The following TBC1D8 variants were observed in gnomAD, a reference collection of about 807,000 sequenced individuals.
TBC1D8 encodes TBC1 domain family member 8.
TBC1D8 carries 65 observed loss-of-function variants against 118.8 expected under a neutral mutation model. That is an observed-to-expected ratio of 0.55 (90% CI 0.45 to 0.67). TBC1D8 has a LOEUF of 0.67. Among genes scored for constraint, TBC1D8 ranks in the 30% least tolerant of loss-of-function variants. The probability of loss-of-function intolerance (pLI) is 0.00; values close to 1 mark genes in which losing one functional copy is unlikely to be tolerated. For missense variants in TBC1D8, 1,376 were observed against 1,471.2 expected, an observed-to-expected ratio of 0.94 and a Z score of 1.06; for synonymous variants, 566 against 595.8, an observed-to-expected ratio of 0.95 and a Z score of 0.73.
chr2:101,095,305 G>T lies in TBC1D8; in HGVS notation c.128-4941C>A, dbSNP rs1313550361. Among the ~76,000 whole-genome samples the T allele has an allele frequency of 7.7e-5, 11 of 143,220 alleles. No individual in the cohort carries two copies. In the East Asian group the frequency reaches 1.7e-3, roughly 22 times the overall value. The allele number at this position is 143,220 out of a possible 152,430, so 94.0% of individuals were successfully genotyped here. A position where few individuals can be genotyped will look rare whatever the true frequency, so the allele number is the denominator to read the frequency against. On this transcript the variant is annotated intron_variant, in intron 1 of 19. Transcript: ENST00000409318. ...TAGGGTACATGTGCACAATGTGCAG[G>T]TTTGTTACATATGTATACATGTGCC...
chr2:101,140,118 G>A (rs908323282), intron 1 of TBC1D8, among the ~76,000 whole-genome samples: 1 of 152,072 alleles, frequency 6.6e-6, no homozygotes, highest in African/African-American at 2.4e-5. Context: ...TTATGCAATC[G>A]TTGCTACTGT....
intron 2 of TBC1D8, among the ~76,000 whole-genome samples, chr2:101,089,844 C>G (rs932746820): frequency 6.6e-6 from 1 of 150,988 alleles, no homozygotes; most frequent in Non-Finnish European, 1.5e-5. Flanking sequence ...ATACGAGCAC[C>G]ATGAAACACA....
At chr2:101,137,210 T>C (rs570742113) in intron 1 of TBC1D8, among the ~76,000 whole-genome samples, 1 of 151,778 alleles carries the variant, frequency 6.6e-6, no homozygotes, top group Non-Finnish European at 1.5e-5. Flanking sequence ...TTTTTGTATT[T>C]TTAGTAGAGA....
intron 1 of TBC1D8, among the ~76,000 whole-genome samples, chr2:101,131,393 T>C (rs981606751): frequency 6.6e-6 from 1 of 152,082 alleles, no homozygotes; most frequent in Non-Finnish European, 1.5e-5. Flanking sequence ...CGTGCGCCTG[T>C]AATCCCAGCT....
chr2:101,028,399 T>G lies in TBC1D8; in HGVS notation c.2256A>C (p.Pro752=). The G allele has an allele frequency of 6.2e-7, 1 of 1,602,678 alleles. No homozygotes were observed. Among genetic ancestry groups the G allele is most frequent in the South Asian group, 1.1e-5 (1 of 89,126 alleles). Reference sequence around the variant, plus strand: ...CATGGTGGCTGCCAACTGGGGGCCCTGGGCTGTCCTCATTCTTAATGTGAT... The same window carrying G: ...CATGGTGGCTGCCAACTGGGGGCCCGGGGCTGTCCTCATTCTTAATGTGAT... ...FLDHIKNEDS[P]GPPVGSHHAF... The change falls in exon 13 of 20, where the codon CCA becomes CCC. Residue 752 remains proline, a synonymous_variant. Coordinates refer to ENST00000409318, the MANE Select transcript of TBC1D8 (RefSeq NM_001330348.2).
intron 17 of TBC1D8, among the ~76,000 whole-genome samples, chr2:101,016,793 A>T (rs1219410100): frequency 1.3e-5 from 2 of 152,154 alleles, no homozygotes; most frequent in East Asian, 3.8e-4. Context: ...ATGAAATTGG[A>T]AATCATCATT....
intron 3 of TBC1D8, among the ~76,000 whole-genome samples, chr2:101,054,977 C>T (rs969114129): frequency 6.6e-6 from 1 of 151,818 alleles, no homozygotes; most frequent in Non-Finnish European, 1.5e-5. Flanking sequence ...CCACCACGCC[C>T]GGCCACAAAT....
chr2:101,137,391 C>A (rs1311492401), intron 1 of TBC1D8, among the ~76,000 whole-genome samples: 1 of 152,068 alleles, frequency 6.6e-6, no homozygotes, highest in East Asian at 1.9e-4. Context: ...CGGCTCACTG[C>A]AAGCTCCGCC....
chr2:101,046,162 A>AT (rs1553405912), intron 5 of TBC1D8, among the ~76,000 whole-genome samples: 38 of 151,356 alleles, frequency 2.5e-4, no homozygotes, highest in African/African-American at 9.0e-4. Context: ...TTCTTCTGTG[A>AT]CCCCCCCAGG....
chr2:101,067,067 C>G (rs967907489), intron 2 of TBC1D8, among the ~76,000 whole-genome samples: 27 of 151,892 alleles, frequency 1.8e-4, no homozygotes, highest in East Asian at 1.9e-4. Flanking sequence ...CTGGTGGCCT[C>G]TGACCATGTA....
chr2:101,146,658 T>A (rs1452008538), intron 1 of TBC1D8, among the ~76,000 whole-genome samples: 1 of 152,262 alleles, frequency 6.6e-6, no homozygotes, highest in Non-Finnish European at 1.5e-5. Flanking sequence ...ATATGTTACA[T>A]AATTATCCAA....
chr2:101,121,041 T>C (rs975104557), intron 1 of TBC1D8, among the ~76,000 whole-genome samples: 1 of 152,144 alleles, frequency 6.6e-6, no homozygotes, highest in African/African-American at 2.4e-5. Context: ...AACTCACAAG[T>C]AGCATGATAA....
chr2:101,008,087 G>T lies in TBC1D8; in HGVS notation c.3202C>A (p.Pro1068Thr). 1 of 1,613,926 alleles carries T rather than the reference G, an allele frequency of 6.2e-7. No individual in the cohort carries two copies. Residue 1068 changes from proline (P) to threonine (T), a missense_variant, in exon 20 of 20, where the codon CCT (proline) becomes ACT (threonine). Pro to Thr is a conservative substitution (Grantham distance 38, BLOSUM62 -1). Transcript: ENST00000409318. The stretch of plus-strand genomic sequence containing the variant: ...GCAAAAACCGAGTCCTCAGGAGAAG[G>T]AGCTGAAGCCCGCAGCTCCTCCCCA... ...ECGEELRASA[P>T]SPEDSVFADT...
At chr2:101,150,485 T>A (rs1287490901) in intron 1 of TBC1D8, among the ~76,000 whole-genome samples, 2 of 152,204 alleles carry the variant, frequency 1.3e-5, no homozygotes, top group African/African-American at 4.8e-5. Flanking sequence ...TGTTTTATCA[T>A]CAACTTTACG....
Position 101,038,589 on chromosome 2 carries a change from T to C in TBC1D8, c.1147A>G (p.Ser383Gly). The C allele has an allele frequency of 6.2e-7, 1 of 1,613,974 alleles. No homozygotes were observed. Among genetic ancestry groups the C allele is most frequent in the Non-Finnish European group, 8.5e-7 (1 of 1,179,890 alleles). The stretch of plus-strand genomic sequence containing the variant: ...TCAATGAACTGGAAGGCCACCTTGC[T>C]TCTGATACTGACAATGATGGGATGC... Reference protein sequence around the residue: ...LPHPIIVSIRSKVAFQFIELR... With the variant: ...LPHPIIVSIRGKVAFQFIELR... Residue 383 changes from serine to glycine, a missense_variant, in exon 7 of 20, where the codon AGC becomes GGC. Ser to Gly is a moderately conservative substitution (Grantham distance 56, BLOSUM62 0). Transcript: ENST00000409318.
intron 2 of TBC1D8, among the ~76,000 whole-genome samples, chr2:101,086,688 T>C (rs1675651348): frequency 6.6e-6 from 1 of 152,208 alleles, no homozygotes; most frequent in Admixed American, 6.5e-5. Flanking sequence ...TTGGCTTCCC[T>C]AGGCCACATT....
chr2:101,097,445 C>T (rs1047513526), intron 1 of TBC1D8, among the ~76,000 whole-genome samples: 1 of 151,620 alleles, frequency 6.6e-6, no homozygotes, highest in Non-Finnish European at 1.5e-5. Flanking sequence ...AGATAATCGT[C>T]TAAAGTAGTA....
At chr2:101,055,201 C>T (rs1053152143) in intron 3 of TBC1D8, among the ~76,000 whole-genome samples, 7 of 151,764 alleles carry the variant, frequency 4.6e-5, no homozygotes, top group Non-Finnish European at 7.4e-5. Flanking sequence ...ACCAGCCTGA[C>T]CAACATGGTG....
At chr2:101,097,403 AT>A (rs1173848269) in intron 1 of TBC1D8, among the ~76,000 whole-genome samples, 1 of 152,166 alleles carries the variant, frequency 6.6e-6, no homozygotes, top group Non-Finnish European at 1.5e-5. Flanking sequence ...AAAATAAAAT[AT>A]TTTATTTTTC....
Sources: gnomAD v4.1 joint callset for allele counts (sites outside exome capture counted in the v4.1 genomes callset) on GRCh38, gnomAD v4.1.1 for gene constraint, MANE v1.5 for transcripts, NCBI Gene and HGNC (gene_info 2026-07-23, HGNC 2026-07-21) for gene names.